Variants in PRDM16 observed in about 807,000 individuals in gnomAD.
PRDM16 encodes histone-lysine N-methyltransferase PRDM16.
Under a neutral mutation model 110.6 loss-of-function variants are expected in PRDM16, and 23 were observed. That is an observed-to-expected ratio of 0.21 (90% CI 0.15 to 0.29). The LOEUF is 0.29. Ranked by LOEUF, PRDM16 falls within the 10% of genes least tolerant of loss-of-function variation. The probability of loss-of-function intolerance (pLI) is 1.00; values close to 1 mark genes in which losing one functional copy is unlikely to be tolerated. For missense variants in PRDM16, 1,615 were observed against 1,794.3 expected (o/e 0.90, Z 1.81); for synonymous variants, 799 against 781.8 (o/e 1.02, Z -0.37).
chr1:3,235,239 C>T (rs1447791995), intron 2 of PRDM16, among the ~76,000 whole-genome samples: 1 of 152,208 alleles, frequency 6.6e-6, no homozygotes, highest in Non-Finnish European at 1.5e-5. Flanking sequence ...CAGGAACAAA[C>T]AGCCTCGCAG....
intron 3 of PRDM16, among the ~76,000 whole-genome samples, chr1:3,348,490 G>T (rs1421600973): frequency 6.6e-6 from 1 of 152,206 alleles, no homozygotes; most frequent in Non-Finnish European, 1.5e-5. Flanking sequence ...TTCATTGAGA[G>T]CAGTGGGCAC....
intron 3 of PRDM16, among the ~76,000 whole-genome samples, chr1:3,259,009 T>G (rs1640107133): frequency 6.6e-6 from 1 of 152,160 alleles, no homozygotes; most frequent in South Asian, 2.1e-4. Flanking sequence ...TATTTCTGTT[T>G]TGGACGAGAA....
chr1:3,387,107 A>G (rs1265902569), intron 4 of PRDM16, among the ~76,000 whole-genome samples: 1 of 152,206 alleles, frequency 6.6e-6, no homozygotes, highest in Non-Finnish European at 1.5e-5. Flanking sequence ...TTCCATGGTC[A>G]GGACCAGGGG....
chr1:3,306,142 A>T (rs3923081), intron 3 of PRDM16, among the ~76,000 whole-genome samples: 1 of 152,034 alleles, frequency 6.6e-6, no homozygotes, highest in Non-Finnish European at 1.5e-5. Context: ...GGAAGTACTC[A>T]CTGGGGGAGT....
At chr1:3,155,889 C>T (rs894797279) in intron 1 of PRDM16, among the ~76,000 whole-genome samples, 3 of 152,176 alleles carry the variant, frequency 2.0e-5, no homozygotes, top group Non-Finnish European at 4.4e-5. Context: ...CAGAGCTGCT[C>T]GGTGTAATGG....
chr1:3,320,322 G>T, intron 3 of PRDM16, among the ~76,000 whole-genome samples: 1 of 152,208 alleles, frequency 6.6e-6, no homozygotes, highest in Non-Finnish European at 1.5e-5. Context: ...AGATGTGTGT[G>T]TGTGTGCGTG....
Position 3,227,967 on chromosome 1 carries a change from C to T in PRDM16, c.388-16120C>T, listed in dbSNP as rs542489618. ...TTGCTCTTCCTCCAAGTCTCTGTTT[C>T]GAGCCGTGGGCTCTTCGCAGTATCC... On this transcript the variant is annotated intron_variant, in intron 2 of 16. Transcript: ENST00000270722. 1.6e-4 allele frequency among the ~76,000 whole-genome samples: 25 copies of T among 152,364 alleles called. 1 individual carries two copies. The South Asian group carries it at 3.9e-3, about 24-fold the overall frequency.
chr1:3,177,706 C>T (rs558850030), intron 1 of PRDM16, among the ~76,000 whole-genome samples: 2 of 152,358 alleles, frequency 1.3e-5, no homozygotes, highest in African/African-American at 4.8e-5. Context: ...TAGAATCGAA[C>T]AGCTGTGTGG....
intron 1 of PRDM16, among the ~76,000 whole-genome samples, chr1:3,180,975 TAC>T (rs879465518): frequency 0.039 from 5,515 of 139,768 alleles, 351 homozygotes; most frequent in Non-Finnish European, 0.061. Flanking sequence ...CACTCGGTCT[TAC>T]ACACGCAGTC....
At chr1:3,153,255 G>A (rs542118808) in intron 1 of PRDM16, among the ~76,000 whole-genome samples, 2 of 152,340 alleles carry the variant, frequency 1.3e-5, no homozygotes, top group Middle Eastern at 3.4e-3. Flanking sequence ...CTCTGGGCCA[G>A]GCAGGGTCTG....
At chr1:3,321,266 T>G (rs1570065415) in intron 3 of PRDM16, among the ~76,000 whole-genome samples, 1 of 140,774 alleles carries the variant, frequency 7.1e-6, no homozygotes, top group African/African-American at 3.1e-5. Flanking sequence ...ATGTGAATAT[T>G]TATGTGTATG....
At chr1:3,210,730 C>A (rs1167185452) in intron 2 of PRDM16, among the ~76,000 whole-genome samples, 1 of 152,218 alleles carries the variant, frequency 6.6e-6, no homozygotes, top group Non-Finnish European at 1.5e-5. Flanking sequence ...GATATACATC[C>A]ACTTGTTCAT....
At chr1:3,202,389 G>C (rs1420420151) in intron 2 of PRDM16, among the ~76,000 whole-genome samples, 1 of 151,720 alleles carries the variant, frequency 6.6e-6, no homozygotes, top group Non-Finnish European at 1.5e-5. Context: ...GGGGGAGGCT[G>C]GGGGAACTTG....
At chr1:3,336,528 G>A (rs142218132) in intron 3 of PRDM16, among the ~76,000 whole-genome samples, 3 of 152,192 alleles carry the variant, frequency 2.0e-5, no homozygotes, top group African/African-American at 7.2e-5. Flanking sequence ...TTGTATGTTG[G>A]TGTGAATCTG....
rs4648500 is a variant in PRDM16, at chr1:3,424,291, A to G, written c.2940-1290A>G. Among the ~76,000 whole-genome samples, 163 of 152,208 alleles carry G rather than the reference A, an allele frequency of 1.1e-3. 1 individual carries two copies. The highest frequency in any genetic ancestry group is 3.6e-3 in the African/African-American group (150 of 41,558). On this transcript the variant is annotated intron_variant, in intron 12 of 16. Transcript: ENST00000270722. Reference sequence around the variant, plus strand: ...TAGTTCTCAGCCCCGCTCTCTAAAAATGGGAGAGAACAACCCTCCCTTTCC... The same window carrying G: ...TAGTTCTCAGCCCCGCTCTCTAAAAGTGGGAGAGAACAACCCTCCCTTTCC...
chr1:3,229,522 G>A (rs914907235), intron 2 of PRDM16, among the ~76,000 whole-genome samples: 1 of 152,156 alleles, frequency 6.6e-6, no homozygotes, highest in African/African-American at 2.4e-5. Flanking sequence ...GAATCAAAGC[G>A]CCACCTCCCA....
intron 2 of PRDM16, among the ~76,000 whole-genome samples, chr1:3,198,982 G>A (rs753728076): frequency 2.6e-5 from 4 of 152,132 alleles, no homozygotes; most frequent in South Asian, 2.1e-4. Flanking sequence ...TGTCTGTCGC[G>A]GCAGCAGCTG....
At chr1:3,116,551 G>C (rs1235695986) in intron 1 of PRDM16, among the ~76,000 whole-genome samples, 1 of 152,172 alleles carries the variant, frequency 6.6e-6, no homozygotes, top group Non-Finnish European at 1.5e-5. Flanking sequence ...TCCCCGGCTG[G>C]GGCAGTGCCT....
intron 15 of PRDM16, among the ~76,000 whole-genome samples, chr1:3,431,488 G>A (rs775576126): frequency 3.9e-5 from 6 of 152,254 alleles, no homozygotes; most frequent in East Asian, 3.8e-4. Flanking sequence ...ATTCTGTGCC[G>A]GCCAGGGCCA....
Sources: gnomAD v4.1 joint callset for allele counts (sites outside exome capture counted in the v4.1 genomes callset) on GRCh38, gnomAD v4.1.1 for gene constraint, MANE v1.5 for transcripts, NCBI Gene and HGNC (gene_info 2026-07-23, HGNC 2026-07-21) for gene names.